Variants in BRCA1 observed in about 807,000 individuals in gnomAD.
The protein encoded by BRCA1 is BRCA1 DNA repair associated.
Under a neutral mutation model 173.7 loss-of-function variants are expected in BRCA1, and 140 were observed. That is an observed-to-expected ratio of 0.81 (90% CI 0.70 to 0.93). BRCA1 has a LOEUF of 0.93. BRCA1 is among the 40% of genes least tolerant of loss of function. The pLI is 0.00. For missense variants in BRCA1, 1,983 were observed against 2,172.5 expected, an observed-to-expected ratio of 0.91 and a Z score of 1.73; for synonymous variants, 662 against 756.0, an observed-to-expected ratio of 0.88 and a Z score of 2.04.
Position 43,100,560 on chromosome 17 carries a change from A to ATATATATATAACATATATATAT in BRCA1, c.442-681_442-680insATATATATATGTTATATATATA, listed in dbSNP as rs2054346858. On this transcript the variant is annotated intron_variant, in intron 6 of 22. Coordinates refer to ENST00000357654, the MANE Select transcript of BRCA1 (RefSeq NM_007294.4). ...TACATATATATGTGTGTGTGTGTGT[A>ATATATATATAACATATATATAT]TATATATATATAACATATATATAAC... 4.4e-4 allele frequency among the ~76,000 whole-genome samples: 7 copies of ATATATATATAACATATATATAT among 16,062 alleles called. No homozygotes were observed. The East Asian group carries it at 5.4e-3, about 12-fold the overall frequency. The allele number at this position is 16,062 out of a possible 152,430, so 10.5% of individuals were successfully genotyped here.
In BRCA1 at chr17:43,050,671, G is replaced by A. The variant is rs8070179; in HGVS notation, c.5332+392C>T. Among the ~76,000 whole-genome samples the A allele has an allele frequency of 0.49, 72,909 of 150,134 alleles. 21,163 individuals are homozygous for A. Among genetic ancestry groups the A allele is most frequent in the African/African-American group, 0.82 (33,800 of 41,032 alleles). Reference sequence around the variant, plus strand: ...ATCTTCCCCTGCTCTGGGCCCGTCCGTGGTGGGCCAGCTGCTGTGCTTTCT... The same window carrying A: ...ATCTTCCCCTGCTCTGGGCCCGTCCATGGTGGGCCAGCTGCTGTGCTTTCT... On this transcript the variant is annotated intron_variant, in intron 20 of 22. Transcript: ENST00000357654.
chr17:43,155,150 C>A lies in BRCA1; in HGVS notation c.-20+14976G>T, dbSNP rs541816006. The stretch of plus-strand genomic sequence containing the variant: ...TAGGAACCTGCCAGCTATTTTAAAT[C>A]TTTAGCTTTATTCTGGTCTTTTTAA... On this transcript the variant is annotated intron_variant, in intron 1 of 7. Transcript: ENST00000634433. Among the ~76,000 whole-genome samples the A allele has an allele frequency of 3.3e-5, 5 of 152,192 alleles. No homozygotes were observed. The South Asian group carries it at 1.0e-3, about 32-fold the overall frequency.
chr17:43,145,329 CTTTTT>C, intron 1 of BRCA1: 2 of 414,436 alleles, frequency 4.8e-6, no homozygotes, highest in Non-Finnish European at 9.0e-6. Flanking sequence ...TTTTTTCTTT[CTTTTT>C]TTTTTTTTTT....
At chr17:43,100,633 T>A (rs799926) in intron 6 of BRCA1, among the ~76,000 whole-genome samples, 13 of 52,294 alleles carry the variant, frequency 2.5e-4, no homozygotes, top group African/African-American at 1.8e-3. Flanking sequence ...ATATATATGT[T>A]ATATATATAT....
chr17:43,083,927 G>A (rs1011805168), intron 11 of BRCA1, among the ~76,000 whole-genome samples: 9 of 151,320 alleles, frequency 5.9e-5, no homozygotes, highest in African/African-American at 2.2e-4. Context: ...GCAGTGGTGC[G>A]ATCTTGGCTC....
chr17:43,110,799 T>C (rs1449622483), intron 3 of BRCA1, among the ~76,000 whole-genome samples: 3 of 151,776 alleles, frequency 2.0e-5, no homozygotes, highest in Non-Finnish European at 2.9e-5. Flanking sequence ...TGGTGAAACA[T>C]GGTCTCTACT....
At chr17:43,153,032 C>T (rs1471213694) in intron 1 of BRCA1, among the ~76,000 whole-genome samples, 1 of 151,812 alleles carries the variant, frequency 6.6e-6, no homozygotes, top group Non-Finnish European at 1.5e-5. Context: ...GAGATTCTGT[C>T]TCAAAAATAA....
At chr17:43,052,852 G>C (rs906533445) in intron 19 of BRCA1, among the ~76,000 whole-genome samples, 2 of 144,862 alleles carry the variant, frequency 1.4e-5, no homozygotes, top group African/African-American at 2.6e-5. Flanking sequence ...AGAGTGAAAA[G>C]AAATGGCAGT....
At chr17:43,100,609 C>T (rs1176770528) in intron 6 of BRCA1, among the ~76,000 whole-genome samples, 34 of 65,766 alleles carry the variant, frequency 5.2e-4, no homozygotes, top group Admixed American at 6.3e-4. Context: ...ATATATATAA[C>T]ATATATATAA....
chr17:43,069,482 T>C (rs2052290106), intron 15 of BRCA1, among the ~76,000 whole-genome samples: 1 of 152,148 alleles, frequency 6.6e-6, no homozygotes, highest in Non-Finnish European at 1.5e-5. Context: ...ATTTTAGCCA[T>C]CTCTAAAAAG....
In BRCA1 at chr17:43,071,171, T is replaced by C. The variant is rs397509194; in HGVS notation, c.4743A>G (p.Glu1581=). The change falls in exon 15 of 23, where the codon GAA becomes GAG. Residue 1581 remains glutamate (E), a synonymous_variant. Transcript: ENST00000357654. ...CACGAGCTGACTCTGGGGCTCTGTCTTCAGAAGGATCAGATTCAGGGTCAT... is the reference window on the plus strand; with the variant it reads ...CACGAGCTGACTCTGGGGCTCTGTCCTCAGAAGGATCAGATTCAGGGTCAT... ...FSDDPESDPS[E]DRAPESARVG... is the part of the protein sequence containing the mutation. 1 of 1,614,200 alleles carries C rather than the reference T, an allele frequency of 6.2e-7. No individual in the cohort carries two copies. Among genetic ancestry groups the C allele is most frequent in the South Asian group, 1.1e-5 (1 of 91,082 alleles).
intron 19 of BRCA1, 47 bp downstream of exon 19, chr17:43,056,993 GGAGTGGAATACA>G: frequency 6.8e-7 from 1 of 1,475,550 alleles, no homozygotes; most frequent in Non-Finnish European, 9.5e-7. Context: ...TCTGCAAAGG[GGAGTGGAATACA>G]GAGTGGTGGG....
chr17:43,124,159 G>T (rs1271673915), intron 1 of BRCA1, 44 bp from the exon 2 acceptor site: 1 of 1,160,816 alleles, frequency 8.6e-7, no homozygotes, highest in South Asian at 1.4e-5. Flanking sequence ...TTTTTAAAAG[G>T]TTTATAAAAT....
intron 15 of BRCA1, 63 bp downstream of exon 15, chr17:43,070,865 A>G (rs2153798701): frequency 6.4e-7 from 1 of 1,572,910 alleles, no homozygotes; most frequent in Non-Finnish European, 8.7e-7. Flanking sequence ...ATACCTACAT[A>G]AAACTCTTTC....
chr17:43,072,562 A>G (rs1344085297), intron 14 of BRCA1, among the ~76,000 whole-genome samples: 1 of 149,770 alleles, frequency 6.7e-6, no homozygotes, highest in East Asian at 2.0e-4. Context: ...GCCACCTTCC[A>G]GCTGATTTTT....
At chr17:43,086,963 A>G (rs1378595335) in intron 11 of BRCA1, among the ~76,000 whole-genome samples, 1 of 152,196 alleles carries the variant, frequency 6.6e-6, no homozygotes, top group Non-Finnish European at 1.5e-5. Context: ...CTCTGTACAG[A>G]GAATGGGCAG....
chr17:43,151,846 T>C (rs1439656840), intron 1 of BRCA1, among the ~76,000 whole-genome samples: 4 of 152,214 alleles, frequency 2.6e-5, no homozygotes, highest in Admixed American at 2.6e-4. Flanking sequence ...CAATGAGCTA[T>C]GGTTGCACCA....
At chr17:43,145,245 C>T in intron 1 of BRCA1, 1 of 690,998 alleles carries the variant, frequency 1.4e-6, no homozygotes. Context: ...GATAAAGAAG[C>T]CAAGTCTGAT....
At chr17:43,137,577 AT>A (rs113719851) in intron 1 of BRCA1, among the ~76,000 whole-genome samples, 16 of 152,084 alleles carry the variant, frequency 1.1e-4, no homozygotes, top group African/African-American at 3.9e-4. Flanking sequence ...CCACAGGTGT[AT>A]TTTCAGAACC....
Sources: allele counts gnomAD v4.1 joint callset (sites outside exome capture counted in the v4.1 genomes callset), GRCh38; gene constraint gnomAD v4.1.1; transcripts MANE v1.5; gene names NCBI Gene and HGNC (gene_info 2026-07-23, HGNC 2026-07-21).